The following PCDHA11 variants were observed in gnomAD, a reference collection of about 807,000 sequenced individuals.
The protein encoded by PCDHA11 is protocadherin alpha-11.
PCDHA11 carries 61 observed loss-of-function variants against 70.3 expected under a neutral mutation model. The ratio of observed to expected loss-of-function variants is 0.87; its 90% CI spans 0.71 to 1.07. The LOEUF is 1.07. PCDHA11 is among the 50% of genes least tolerant of loss of function. The pLI is 0.00. For missense variants in PCDHA11, 1,324 were observed against 1,237.5 expected, an observed-to-expected ratio of 1.07 and a Z score of -1.05; for synonymous variants, 633 against 555.1, an observed-to-expected ratio of 1.14 and a Z score of -1.97.
intron 1 of PCDHA11, chr5:140,927,527 C>A (rs1554204693): frequency 6.2e-7 from 1 of 1,614,084 alleles, no homozygotes. Flanking sequence ...GGGCTACCTG[C>A]CCGCTCAGGA....
intron 1 of PCDHA11, chr5:140,883,440 C>T (rs781949896): frequency 1.9e-6 from 3 of 1,614,152 alleles, no homozygotes; most frequent in Non-Finnish European, 2.5e-6. Flanking sequence ...ACCTTGACGC[C>T]GCATGTCCCC....
intron 1 of PCDHA11, chr5:140,882,622 T>C (rs782369081): frequency 1.1e-4 from 185 of 1,614,060 alleles, no homozygotes; most frequent in Non-Finnish European, 1.5e-4. Context: ...AGGTTTTCCA[T>C]GTGGAGGTGA....
At chr5:140,967,390 G>A (rs2096135950) in intron 1 of PCDHA11, 2 of 1,609,752 alleles carry the variant, frequency 1.2e-6, no homozygotes, top group African/African-American at 1.3e-5. Context: ...AAGTGCTTGA[G>A]CTGGTGCTGC....
At position 140,869,953 on chromosome 5, in the gene PCDHA11, A is replaced by G. The variant is rs781865487; in HGVS notation, c.850A>G (p.Ile284Val). ...NGEVTYSLMS[I>V]KPNGRHLFTL... ...AGAGGTAACATACTCCTTAATGTCA[A>G]TTAAGCCCAATGGAAGACACTTATT... The change falls in exon 1 of 4, where the codon ATT becomes GTT. Residue 284 changes from isoleucine (I) to valine (V), a missense_variant. By Grantham distance (29) the Ile-to-Val change is conservative (BLOSUM62 3). Coordinates refer to ENST00000398640, the MANE Select transcript of PCDHA11 (RefSeq NM_018902.5). 10 of 1,612,868 alleles carry G rather than the reference A, an allele frequency of 6.2e-6. No homozygotes were observed. The highest frequency in any genetic ancestry group is 3.3e-4 in the Middle Eastern group (2 of 6,062).
intron 1 of PCDHA11, among the ~76,000 whole-genome samples, chr5:140,895,520 A>G (rs1053295495): frequency 6.6e-6 from 1 of 152,116 alleles, no homozygotes; most frequent in South Asian, 2.1e-4. Context: ...TAATTGGTTT[A>G]TTCGTTTTTC....
intron 1 of PCDHA11, chr5:140,875,972 T>C (rs782102743): frequency 3.1e-6 from 5 of 1,614,068 alleles, no homozygotes; most frequent in Non-Finnish European, 4.2e-6. Flanking sequence ...GTAAACTCTC[T>C]TTTGACCTAT....
chr5:140,956,960 TAATC>T (rs2307694), intron 1 of PCDHA11, among the ~76,000 whole-genome samples: 47,965 of 151,898 alleles, frequency 0.32, 7,886 homozygotes, highest in East Asian at 0.53. Flanking sequence ...ACACTGTAAT[TAATC>T]AGTCAATTTA....
intron 1 of PCDHA11, among the ~76,000 whole-genome samples, chr5:140,912,273 A>G (rs551128589): frequency 1.3e-5 from 2 of 151,890 alleles, no homozygotes; most frequent in South Asian, 4.2e-4. Flanking sequence ...TCACAGATAT[A>G]CCCAGGAACA....
rs1033698977 is a variant in PCDHA11 at position 140,868,958 on chromosome 5, T to A, written c.-146T>A. ...TGGTCTGAACAGTGAGGCACTCCCA[T>A]ACAAAGGAACTCCATCATACCGGAT... On this transcript the variant is annotated 5_prime_UTR_variant, in exon 1 of 4. Coordinates refer to ENST00000398640, the MANE Select transcript of PCDHA11 (RefSeq NM_018902.5). The A allele has an allele frequency of 4.3e-6, 6 of 1,397,388 alleles. No individual in the cohort carries two copies. The African/African-American group carries it at 8.6e-5, about 20-fold the overall frequency. The allele number at this position is 1,397,388 out of a possible 1,614,324, so 86.6% of individuals were successfully genotyped here.
chr5:140,894,239 A>C (rs1323710769), intron 1 of PCDHA11, among the ~76,000 whole-genome samples: 11 of 152,028 alleles, frequency 7.2e-5, no homozygotes, highest in African/African-American at 2.2e-4. Flanking sequence ...ATGACAATGT[A>C]ATTTTCTTTT....
At chr5:140,875,931 T>C in intron 1 of PCDHA11, 1 of 1,614,176 alleles carries the variant, frequency 6.2e-7, no homozygotes, top group South Asian at 1.1e-5. Flanking sequence ...CTCATTTTCC[T>C]CTAGAGGGCG....
At chr5:140,882,481 C>T in intron 1 of PCDHA11, 2 of 1,614,038 alleles carry the variant, frequency 1.2e-6, no homozygotes, top group Middle Eastern at 1.7e-4. Flanking sequence ...CCAAAAGACA[C>T]GGGGACCTTC....
intron 1 of PCDHA11, among the ~76,000 whole-genome samples, chr5:140,963,229 G>A (rs1211084766): frequency 2.6e-5 from 4 of 152,134 alleles, no homozygotes; most frequent in African/African-American, 7.2e-5. Context: ...AGTAGACACT[G>A]TTTGATGGAT....
chr5:140,932,351 A>G (rs1401387848), intron 1 of PCDHA11, among the ~76,000 whole-genome samples: 1 of 151,920 alleles, frequency 6.6e-6, no homozygotes, highest in African/African-American at 2.4e-5. Context: ...TTACCATACA[A>G]CTGGCCTTAT....
chr5:140,929,140 C>T, intron 1 of PCDHA11: 1 of 1,614,176 alleles, frequency 6.2e-7, no homozygotes, highest in Non-Finnish European at 8.5e-7. Context: ...AGTTGAGAGA[C>T]TTTCTCAGAC....
chr5:140,996,372 G>A (rs898606404), intron 3 of PCDHA11, among the ~76,000 whole-genome samples: 1 of 152,180 alleles, frequency 6.6e-6, no homozygotes, highest in Non-Finnish European at 1.5e-5. Context: ...TTTTGTTGTC[G>A]GCTGAAATAA....
chr5:140,879,783 G>A (rs182330190), intron 1 of PCDHA11, among the ~76,000 whole-genome samples: 1 of 152,162 alleles, frequency 6.6e-6, no homozygotes, highest in African/African-American at 2.4e-5. Flanking sequence ...GAAGAATCTG[G>A]TTTTTGTTTC....
intron 1 of PCDHA11, among the ~76,000 whole-genome samples, chr5:140,960,401 G>C (rs1219932748): frequency 2.0e-5 from 3 of 151,956 alleles, no homozygotes; most frequent in African/African-American, 7.3e-5. Flanking sequence ...TGCAAGGGGG[G>C]GTGCCCAAAA....
intron 1 of PCDHA11, among the ~76,000 whole-genome samples, chr5:140,890,952 G>C (rs555852578): frequency 1.9e-4 from 29 of 152,236 alleles, no homozygotes; most frequent in African/African-American, 7.0e-4. Context: ...GGTGAGGAAT[G>C]ATTTCAGGTT....
Sources: allele counts gnomAD v4.1 joint callset (sites outside exome capture counted in the v4.1 genomes callset), GRCh38; gene constraint gnomAD v4.1.1; transcripts MANE v1.5; gene names NCBI Gene and HGNC (gene_info 2026-07-23, HGNC 2026-07-21).